BTRC: variants seen among roughly 807,000 people sequenced by gnomAD.
BTRC encodes the protein beta-transducin repeat containing E3 ubiquitin protein ligase, also known as F-box/WD repeat-containing protein 1A.
Under a neutral mutation model 85.5 loss-of-function variants are expected in BTRC, and 42 were observed. The ratio of observed to expected loss-of-function variants is 0.49; its 90% CI spans 0.38 to 0.64. BTRC has a LOEUF of 0.64. Among genes scored for constraint, BTRC ranks in the 30% least tolerant of loss-of-function variants. BTRC has a pLI of 0.00. For synonymous variants in BTRC, 255 were observed against 263.3 expected, an observed-to-expected ratio of 0.97 and a Z score of 0.30; for missense variants, 594 against 743.5, an observed-to-expected ratio of 0.80 and a Z score of 2.34.
chr10:101,446,485 C>T (rs1944830365), intron 2 of BTRC, among the ~76,000 whole-genome samples: 2 of 152,164 alleles, frequency 1.3e-5, no homozygotes, highest in African/African-American at 4.8e-5. Flanking sequence ...GTAATTGTGA[C>T]TAAGAATTAT....
intron 1 of BTRC, among the ~76,000 whole-genome samples, chr10:101,385,618 C>CTTTTTTTTTTTTTTT (rs36030307): frequency 1.2e-3 from 98 of 79,762 alleles, no homozygotes; most frequent in Non-Finnish European, 1.9e-3. Context: ...TCTTCTTCTT[C>CTTTTTTTTTTTTTTT]TTTTTTTTTT....
At chr10:101,445,587 A>G (rs759309445) in intron 2 of BTRC, among the ~76,000 whole-genome samples, 9 of 152,196 alleles carry the variant, frequency 5.9e-5, no homozygotes, top group Non-Finnish European at 1.0e-4. Flanking sequence ...GTAATAATCG[A>G]CTATTATCGG....
rs542890024 is a variant in BTRC at position 101,549,707 on chromosome 10, C to G, written c.1657-992C>G. Among the ~76,000 whole-genome samples, 207 of 28,002 alleles carry G rather than the reference C, an allele frequency of 7.4e-3. 1 individual carries two copies. Among genetic ancestry groups the G allele is most frequent in the Non-Finnish European group, 8.2e-3 (147 of 17,872 alleles). The allele number at this position is 28,002 out of a possible 152,430, so 18.4% of individuals were successfully genotyped here. A position where few individuals can be genotyped will look rare whatever the true frequency, so the allele number is the denominator to read the frequency against. Reference sequence around the variant, plus strand: ...CCAGCAGGGGCGAAAGAGCGAGACTCTGTCTCAAAAAAAAAAAAAAAAAAA... The same window carrying G: ...CCAGCAGGGGCGAAAGAGCGAGACTGTGTCTCAAAAAAAAAAAAAAAAAAA... On this transcript the variant is annotated intron_variant, in intron 13 of 14. Coordinates refer to ENST00000370187, the MANE Select transcript of BTRC (RefSeq NM_033637.4).
intron 1 of BTRC, among the ~76,000 whole-genome samples, chr10:101,423,031 C>G (rs766555961): frequency 6.6e-6 from 1 of 151,960 alleles, no homozygotes; most frequent in African/African-American, 2.4e-5. Flanking sequence ...GATATTGATT[C>G]TTCCTATCCA....
chr10:101,467,066 C>G (rs1230266413), intron 3 of BTRC, among the ~76,000 whole-genome samples: 1 of 152,084 alleles, frequency 6.6e-6, no homozygotes, highest in East Asian at 1.9e-4. Flanking sequence ...AAAAGTCATT[C>G]ATAAGCCAGT....
intron 4 of BTRC, among the ~76,000 whole-genome samples, chr10:101,520,546 GA>G (rs1241073794): frequency 1.3e-5 from 2 of 152,142 alleles, no homozygotes; most frequent in African/African-American, 4.8e-5. Context: ...TTATGTTATG[GA>G]AAAAGGTAAA....
intron 1 of BTRC, among the ~76,000 whole-genome samples, chr10:101,384,541 TA>T (rs1296074535): frequency 6.6e-6 from 1 of 152,220 alleles, no homozygotes; most frequent in Non-Finnish European, 1.5e-5. Context: ...TGTGTTTTTT[TA>T]AAGTGTGTAT....
At chr10:101,414,043 A>T (rs1173626445) in intron 1 of BTRC, among the ~76,000 whole-genome samples, 3 of 152,190 alleles carry the variant, frequency 2.0e-5, no homozygotes, top group Non-Finnish European at 4.4e-5. Flanking sequence ...GTTTTAGCAC[A>T]TTCACATCAT....
chr10:101,504,645 G>T (rs9420844), intron 4 of BTRC, among the ~76,000 whole-genome samples: 105,252 of 151,344 alleles, frequency 0.7, 36,818 homozygotes, highest in East Asian at 0.81. Flanking sequence ...CTCTCCTTGC[G>T]TTCCTCCTTC....
Position 101,406,524 on chromosome 10 carries a change from CTTTTT to C in BTRC, c.49-23797_49-23793del, listed in dbSNP as rs58902120. ...ATGTTAACATAGCCATCTCAGGTTT[CTTTTT>C]TTTTTTTTTTTTTTTTTTTTTTTGA... On this transcript the variant is annotated intron_variant, in intron 1 of 14. Transcript: ENST00000370187. Among the ~76,000 whole-genome samples the C allele has an allele frequency of 7.9e-5, 4 of 50,426 alleles. No homozygotes were observed. In the Admixed American group the frequency reaches 1.0e-3, roughly 13 times the overall value. The allele number at this position is 50,426 out of a possible 152,430, so 33.1% of individuals were successfully genotyped here.
intron 4 of BTRC, among the ~76,000 whole-genome samples, chr10:101,493,705 T>TA (rs903324444): frequency 6.6e-6 from 1 of 152,228 alleles, no homozygotes. Flanking sequence ...CTCTTGCACT[T>TA]ATAGTATTTT....
At position 101,366,826 on chromosome 10, in the gene BTRC, ATATT is replaced by A. The variant is rs1247287120; in HGVS notation, c.48+12602_48+12605del. Among the ~76,000 whole-genome samples, 147 of 39,180 alleles carry A rather than the reference ATATT, an allele frequency of 3.8e-3. 9 individuals are homozygous for A. In the East Asian group the frequency reaches 0.055, roughly 15 times the overall value. The allele number at this position is 39,180 out of a possible 152,430, so 25.7% of individuals were successfully genotyped here. A position where few individuals can be genotyped will look rare whatever the true frequency, so the allele number is the denominator to read the frequency against. ...TATATATATTTATATATATTAATAT[ATATT>A]TATATATATTTATGTATATTAATAT... On this transcript the variant is annotated intron_variant, in intron 1 of 14. Coordinates refer to ENST00000370187, the MANE Select transcript of BTRC (RefSeq NM_033637.4).
chr10:101,382,139 C>A (rs1374993129), intron 1 of BTRC, among the ~76,000 whole-genome samples: 3 of 151,618 alleles, frequency 2.0e-5, no homozygotes, highest in African/African-American at 7.3e-5. Context: ...CCTGCCACCA[C>A]GCCCGGTTAA....
At chr10:101,488,557 G>C (rs905997713) in intron 4 of BTRC, among the ~76,000 whole-genome samples, 1 of 152,078 alleles carries the variant, frequency 6.6e-6, no homozygotes, top group Admixed American at 6.6e-5. Context: ...AATTTTCTGA[G>C]CCAAATCAGC....
intron 4 of BTRC, among the ~76,000 whole-genome samples, chr10:101,510,102 C>G (rs962876143): frequency 2.0e-5 from 3 of 151,812 alleles, no homozygotes; most frequent in African/African-American, 7.3e-5. Flanking sequence ...CCATTGCACT[C>G]CAGCCTAGGT....
At chr10:101,466,215 A>ATG (rs1945367847) in intron 3 of BTRC, among the ~76,000 whole-genome samples, 1 of 152,120 alleles carries the variant, frequency 6.6e-6, no homozygotes, top group South Asian at 2.1e-4. Context: ...TCCTTTGTGT[A>ATG]TGTGTCCACT....
At chr10:101,453,018 A>G (rs1944988940) in intron 2 of BTRC, among the ~76,000 whole-genome samples, 1 of 152,014 alleles carries the variant, frequency 6.6e-6, no homozygotes, top group African/African-American at 2.4e-5. Flanking sequence ...GTTTTTTTTT[A>G]ATGTCACCTT....
At chr10:101,532,896 G>A in intron 8 of BTRC, 56 bp from the exon 9 acceptor site, 2 of 1,359,512 alleles carry the variant, frequency 1.5e-6, no homozygotes, top group South Asian at 1.2e-5. Flanking sequence ...GGACCAACAA[G>A]TCTCCACAGC....
chr10:101,445,466 A>T (rs1944798599), intron 2 of BTRC, among the ~76,000 whole-genome samples: 1 of 152,190 alleles, frequency 6.6e-6, no homozygotes, highest in Non-Finnish European at 1.5e-5. Context: ...CAAGACATAA[A>T]TTTACTCAAG....
Sources: gnomAD v4.1 joint callset for allele counts (sites outside exome capture counted in the v4.1 genomes callset) on GRCh38, gnomAD v4.1.1 for gene constraint, MANE v1.5 for transcripts, NCBI Gene and HGNC (gene_info 2026-07-23, HGNC 2026-07-21) for gene names.